The following LRP1 variants were observed in gnomAD, a reference collection of about 807,000 sequenced individuals.
LRP1 encodes LDL receptor related protein 1.
A neutral mutation model predicts 541.5 loss-of-function variants in LRP1; 51 were observed. The ratio of observed to expected loss-of-function variants is 0.09; its 90% CI spans 0.08 to 0.12. The LOEUF is 0.12. Among genes scored for constraint, LRP1 ranks in the 10% least tolerant of loss-of-function variants. The probability of loss-of-function intolerance (pLI) is 1.00; values close to 1 mark genes in which losing one functional copy is unlikely to be tolerated. For synonymous variants in LRP1, 2,219 were observed against 2,470.8 expected, an observed-to-expected ratio of 0.90 and a Z score of 3.02; for missense variants, 3,878 against 6,376.2, an observed-to-expected ratio of 0.61 and a Z score of 13.34.
rs2036916281 is a variant in LRP1 at position 57,211,535 on chromosome 12, C to T, written c.13140C>T (p.His4380=). 1.9e-6 allele frequency: 3 copies of T among 1,614,132 alleles called. No homozygotes were observed. The highest frequency in any genetic ancestry group is 1.6e-4 in the Middle Eastern group (1 of 6,062). ...VAPSCLTCVG[H]CSNGGSCTMN... is the part of the protein sequence containing the mutation. ...CCAGCTGTCTGACCTGCGTCGGCCA[C>T]TGCAGCAATGGCGGCTCCTGTACCA... The change falls in exon 85 of 89, where the codon CAC becomes CAT. Residue 4380 remains histidine, a synonymous_variant. Coordinates refer to ENST00000243077, the MANE Select transcript of LRP1 (RefSeq NM_002332.3). This position sits in a 1 kb window ranked among gnomAD's most constrained non-coding sequence, Gnocchi z 4.3.
intron 31 of LRP1, 55 bp from the exon 32 acceptor site, chr12:57,180,275 C>A: frequency 6.2e-7 from 1 of 1,604,888 alleles, no homozygotes; most frequent in Admixed American, 1.7e-5. Context: ...CTGCTCCCTT[C>A]CCTGGATCCC....
rs1367505242 is a variant in LRP1 at position 57,162,439 on chromosome 12, A to G, written c.2325A>G (p.Ala775=). Residue 775 remains alanine (A), a synonymous_variant, in exon 14 of 89, where the codon GCA becomes GCG. Coordinates refer to ENST00000243077, the MANE Select transcript of LRP1 (RefSeq NM_002332.3). This position sits in a 1 kb window ranked among gnomAD's most constrained non-coding sequence, Gnocchi z 5.2. The part of the protein sequence containing the change: ...VYRLERGVGG[A]PPTVTLLRSE... The stretch of plus-strand genomic sequence containing the variant: ...GCTTGGAACGGGGTGTAGGAGGCGC[A>G]CCCCCCACTGTGACCCTTCTGCGCA... 1 of 1,613,200 alleles carries G rather than the reference A, an allele frequency of 6.2e-7. No homozygotes were observed. The highest frequency in any genetic ancestry group is 8.5e-7 in the Non-Finnish European group (1 of 1,179,784).
Position 57,156,333 on chromosome 12 carries a change from C to G in LRP1, c.1417+50C>G. On this transcript the variant is annotated intron_variant, in intron 9 of 88. Coordinates refer to ENST00000243077, the MANE Select transcript of LRP1 (RefSeq NM_002332.3). The surrounding 1 kb of genome is among the most constrained non-coding windows in gnomAD (Gnocchi z 5.2). ...CAAAGCTGGCTTTACCCCATGATGG[C>G]TCTGGGACCTTGGGATCACAGCCCC... is the stretch of plus-strand genomic sequence containing the variant. The G allele has an allele frequency of 6.4e-7, 1 of 1,572,044 alleles. No homozygotes were observed. Among genetic ancestry groups the G allele is most frequent in the Non-Finnish European group, 8.7e-7 (1 of 1,153,164 alleles).
At chr12:57,145,142 C>T (rs2035376837) in intron 5 of LRP1, 42 bp downstream of exon 5, 1 of 1,613,678 alleles carries the variant, frequency 6.2e-7, no homozygotes, top group Non-Finnish European at 8.5e-7. Flanking sequence ...ACTAAGCCCC[C>T]TCAATGCTGT....
intron 15 of LRP1, among the ~76,000 whole-genome samples, chr12:57,163,564 T>C (rs1248237737): frequency 6.7e-6 from 1 of 148,570 alleles, no homozygotes; most frequent in Non-Finnish European, 1.5e-5. Flanking sequence ...AGGCGACAGA[T>C]GGAGACTCTG....
Position 57,154,880 on chromosome 12 carries a change from G to T in LRP1, c.1227+179G>T, listed in dbSNP as rs755710360. The T allele has an allele frequency of 6.4e-5, 41 of 638,520 alleles. No homozygotes were observed. Among genetic ancestry groups the T allele is most frequent in the African/African-American group, 1.1e-4 (6 of 55,060 alleles). The allele number at this position is 638,520 out of a possible 1,614,324, so 39.6% of individuals were successfully genotyped here. ...ACTGCAGAGAAAGGACAAGATACGGGTTCCACTGTGATGGGAACAGTCATT... is the reference window on the plus strand; with the variant it reads ...ACTGCAGAGAAAGGACAAGATACGGTTTCCACTGTGATGGGAACAGTCATT... On this transcript the variant is annotated intron_variant, in intron 8 of 88. Transcript: ENST00000243077. This position sits in a 1 kb window ranked among gnomAD's most constrained non-coding sequence, Gnocchi z 4.6.
At chr12:57,161,161 G>A (rs2035725558) in intron 13 of LRP1, 46 bp downstream of exon 13, 7 of 1,583,070 alleles carry the variant, frequency 4.4e-6, no homozygotes, top group Non-Finnish European at 6.0e-6. Context: ...TGTGTTGCTA[G>A]ACCATGCTTG....
Position 57,201,734 on chromosome 12 carries a change from C to T in LRP1, c.10469-46C>T, listed in dbSNP as rs1226502814. ...TCACTCTCCCCACCCTCCCGGCACA[C>T]TCCTGGAAGGAGTCTCATCCTCACC... On this transcript the variant is annotated intron_variant, in intron 66 of 88. Transcript: ENST00000243077. The surrounding 1 kb of genome is among the most constrained non-coding windows in gnomAD (Gnocchi z 6.4). The T allele has an allele frequency of 1.9e-5, 31 of 1,609,040 alleles. No homozygotes were observed. Among genetic ancestry groups the T allele is most frequent in the Non-Finnish European group, 2.3e-5 (27 of 1,176,756 alleles).
Position 57,183,938 on chromosome 12 carries a change from G to A in LRP1, c.5929+29G>A, listed in dbSNP as rs766494072. On this transcript the variant is annotated intron_variant, in intron 36 of 88. Transcript: ENST00000243077. The surrounding 1 kb of genome is among the most constrained non-coding windows in gnomAD (Gnocchi z 6.1). ...AGCAGTGGGCAGGTTTGTGGGGCTT[G>A]GGGTGTGGCAGAGGACTGGGGGACG... 9.3e-6 allele frequency: 15 copies of A among 1,613,648 alleles called. No individual in the cohort carries two copies. Among genetic ancestry groups the A allele is most frequent in the Non-Finnish European group, 1.2e-5 (14 of 1,179,752 alleles).
chr12:57,177,512 C>T lies in LRP1; in HGVS notation c.4282C>T (p.Arg1428Trp), dbSNP rs745902553. 6.8e-6 allele frequency: 11 copies of T among 1,613,730 alleles called. No individual in the cohort carries two copies. The highest frequency in any genetic ancestry group is 5.5e-5 in the South Asian group (5 of 91,056). ...TGGGGCTGGGCGCCGCACCGTGCAC[C>T]GGGAGACCGGCTCTGGGGGCTGGCC... ...MSGAGRRTVH[R>W]ETGSGGWPNG... The change falls in exon 26 of 89, where the codon CGG becomes TGG. Residue 1428 changes from arginine (R) to tryptophan (W), a missense_variant. Physicochemically the swap from Arg to Trp is moderately radical, Grantham distance 101. Around this residue, in one of 13 missense-constraint regions of LRP1, gnomAD observed 16 missense variants for 18.4 expected, o/e 0.87. Coordinates refer to ENST00000243077, the MANE Select transcript of LRP1 (RefSeq NM_002332.3). This position sits in a 1 kb window ranked among gnomAD's most constrained non-coding sequence, Gnocchi z 6.8.
intron 78 of LRP1, 78 bp downstream of exon 78, chr12:57,208,895 C>A: frequency 7.7e-7 from 1 of 1,303,068 alleles, no homozygotes; most frequent in Non-Finnish European, 1.1e-6. Flanking sequence ...TGAAGTCACA[C>A]AAAAGCAAGG....
In LRP1 at chr12:57,183,403, C is replaced by G; in HGVS notation, c.5687C>G (p.Ser1896Cys). 1 of 1,613,496 alleles carries G rather than the reference C, an allele frequency of 6.2e-7. No homozygotes were observed. Among genetic ancestry groups the G allele is most frequent in the Non-Finnish European group, 8.5e-7 (1 of 1,179,390 alleles). Residue 1896 changes from serine (S) to cysteine (C), a missense_variant, in exon 35 of 89, where the codon TCT becomes TGT. This residue lies in a region of LRP1 where 394 missense variants were observed against 635.9 expected (regional missense o/e 0.62). Transcript: ENST00000243077. The surrounding 1 kb of genome is among the most constrained non-coding windows in gnomAD (Gnocchi z 6.1). ...GGCGTAGGTTCCTTTCTCCTGTACT[C>G]TGTGCATGAGGGAATCAGGGGAATT... is the stretch of plus-strand genomic sequence containing the variant. ...CEGVGSFLLY[S>C]VHEGIRGIPL... is the part of the protein sequence containing the mutation.
At chr12:57,190,776 C>A in intron 42 of LRP1, 29 bp from the exon 43 acceptor site, 1 of 1,602,628 alleles carries the variant, frequency 6.2e-7, no homozygotes, top group African/African-American at 1.3e-5. Context: ...CAGGCTTTGC[C>A]TCCTGATCTC....
In LRP1 at chr12:57,160,921, G is replaced by A. The variant is rs2035716914; in HGVS notation, c.2008G>A (p.Asp670Asn). 1 of 1,613,728 alleles carries A rather than the reference G, an allele frequency of 6.2e-7. No homozygotes were observed. The highest frequency in any genetic ancestry group is 1.7e-5 in the Admixed American group (1 of 60,006). Reference sequence around the variant, plus strand: ...GATGTACTGGACAGACTGGGAGGAGGACCCCAAGGACAGTCGGCGTGGGCG... The same window carrying A: ...GATGTACTGGACAGACTGGGAGGAGAACCCCAAGGACAGTCGGCGTGGGCG... ...GWMYWTDWEE[D>N]PKDSRRGRLE... is the part of the protein sequence containing the mutation. Residue 670 changes from aspartate (D) to asparagine (N), a missense_variant, in exon 13 of 89, where the codon GAC (aspartate) becomes AAC (asparagine). Physicochemically the swap from Asp to Asn is conservative, Grantham distance 23 (BLOSUM62 1). Transcript: ENST00000243077.
rs1385798957 is a variant in LRP1 at position 57,195,265 on chromosome 12, CT to C, written c.8309-5del. The C allele has an allele frequency of 1.2e-6, 2 of 1,613,442 alleles. No individual in the cohort carries two copies. Among genetic ancestry groups the C allele is most frequent in the Non-Finnish European group, 8.5e-7 (1 of 1,179,552 alleles). ...AGTCTCTCAGTGGCCCTCTCTCCCC[CT>C]ACAGAAGGCAAGACGTGCGGCCCCT... On this transcript the variant is annotated splice_region_variant and splice_polypyrimidine_tract_variant and intron_variant, in intron 51 of 88. Transcript: ENST00000243077.
At position 57,212,499 on chromosome 12, in the gene LRP1, A is replaced by G; in HGVS notation, c.13579A>G (p.Lys4527Glu). Residue 4527 changes from lysine to glutamate, a missense_variant, in exon 89 of 89, where the codon AAG (lysine) becomes GAG (glutamate). By Grantham distance (56) the Lys-to-Glu change is moderately conservative. Around this residue, in one of 13 missense-constraint regions of LRP1, gnomAD observed 871 missense variants for 1,212.4 expected, o/e 0.72. Transcript: ENST00000243077. This position sits in a 1 kb window ranked among gnomAD's most constrained non-coding sequence, Gnocchi z 5.0. ...SRHSLASTDEKRELLGRGPED... is the reference protein window; with the variant it reads ...SRHSLASTDEERELLGRGPED... Reference sequence around the variant, plus strand: ...CCACTCCCTGGCCAGCACGGACGAGAAGCGAGAACTCCTGGGCCGGGGCCC... The same window carrying G: ...CCACTCCCTGGCCAGCACGGACGAGGAGCGAGAACTCCTGGGCCGGGGCCC... 2 of 1,613,898 alleles carry G rather than the reference A, an allele frequency of 1.2e-6. No homozygotes were observed. Among genetic ancestry groups the G allele is most frequent in the Non-Finnish European group, 8.5e-7 (1 of 1,179,916 alleles).
chr12:57,159,173 G>A (rs2035680697), intron 11 of LRP1, among the ~76,000 whole-genome samples: 1 of 152,198 alleles, frequency 6.6e-6, no homozygotes, highest in African/African-American at 2.4e-5. Context: ...TGAGCTGTAC[G>A]AGTTCTGCCC....
At position 57,197,672 on chromosome 12, in the gene LRP1, G is replaced by A. The variant is rs368319613; in HGVS notation, c.9282+8G>A. On this transcript the variant is annotated splice_region_variant and intron_variant, in intron 58 of 88. Coordinates refer to ENST00000243077, the MANE Select transcript of LRP1 (RefSeq NM_002332.3). The surrounding 1 kb of genome is among the most constrained non-coding windows in gnomAD (Gnocchi z 4.5). Reference sequence around the variant, plus strand: ...AACGGGAGCAATGTGCAGGTGAGGCGGGCGGCCCTCGGCGACCAACACTGG... The same window carrying A: ...AACGGGAGCAATGTGCAGGTGAGGCAGGCGGCCCTCGGCGACCAACACTGG... 39 of 1,611,926 alleles carry A rather than the reference G, an allele frequency of 2.4e-5. No individual in the cohort carries two copies. The highest frequency in any genetic ancestry group is 2.6e-5 in the Non-Finnish European group (31 of 1,179,384).
At chr12:57,172,321 C>G (rs1460500916) in intron 20 of LRP1, among the ~76,000 whole-genome samples, 1 of 152,172 alleles carries the variant, frequency 6.6e-6, no homozygotes, top group Admixed American at 6.5e-5. Flanking sequence ...AGGTGCCTGC[C>G]ACCACGCCTG....
Sources: allele counts gnomAD v4.1 joint callset (sites outside exome capture counted in the v4.1 genomes callset), GRCh38; gene constraint gnomAD v4.1.1; regional missense constraint gnomAD v4.1.1; non-coding constraint Gnocchi (gnomAD v3.1); transcripts MANE v1.5; gene names NCBI Gene and HGNC (gene_info 2026-07-23, HGNC 2026-07-21).